SLC22A13: variants seen among roughly 807,000 people sequenced by gnomAD.
SLC22A13 encodes the protein organic anion transporter 10.
A neutral mutation model predicts 49.1 loss-of-function variants in SLC22A13; 42 were observed. The ratio of observed to expected loss-of-function variants is 0.85; its 90% CI spans 0.67 to 1.11. The LOEUF is 1.11. SLC22A13 is among the 50% of genes least tolerant of loss of function. The probability of loss-of-function intolerance (pLI) is 0.00; values close to 1 mark genes in which losing one functional copy is unlikely to be tolerated. For missense variants in SLC22A13, 694 were observed against 712.8 expected, an observed-to-expected ratio of 0.97 and a Z score of 0.30; for synonymous variants, 282 against 293.1, an observed-to-expected ratio of 0.96 and a Z score of 0.39.
At position 38,272,221 on chromosome 3, in the gene SLC22A13, G is replaced by A. The variant is rs151257650; in HGVS notation, c.379-2051G>A. Among the ~76,000 whole-genome samples, 443 of 152,350 alleles carry A rather than the reference G, an allele frequency of 2.9e-3. 2 individuals carry two copies. Among genetic ancestry groups the A allele is most frequent in the African/African-American group, 0.01 (422 of 41,580 alleles). On this transcript the variant is annotated intron_variant, in intron 1 of 9. Coordinates refer to ENST00000311856, the MANE Select transcript of SLC22A13 (RefSeq NM_004256.4). ...GTGTGCCAGCCTTAGAAGACTCCAA[G>A]GCTTGGTGCTCATGCCCACAGGGCA...
chr3:38,274,207 A>G (rs1703550133), intron 1 of SLC22A13, 65 bp from the exon 2 acceptor site: 3 of 1,180,886 alleles, frequency 2.5e-6, no homozygotes, highest in Admixed American at 3.4e-5. Context: ...TTGTAGTGGG[A>G]CAGGTGGTGT....
chr3:38,274,947 A>G, intron 3 of SLC22A13, 42 bp from the exon 4 acceptor site: 1 of 1,603,124 alleles, frequency 6.2e-7, no homozygotes, highest in Non-Finnish European at 8.5e-7. Flanking sequence ...TGGGGAGTGA[A>G]TGGCAGGGAT....
chr3:38,277,105 C>T lies in SLC22A13; in HGVS notation c.1540C>T (p.Leu514=), dbSNP rs1340528223. The part of the protein sequence containing the change: ...GQGLKDTLQD[L]ELGPHPRSPK... Reference sequence around the variant, plus strand: ...GGGCCTGAAAGACACCCTCCAGGACCTGGAGCTGGGGCCTCACCCACGGTG... The same window carrying T: ...GGGCCTGAAAGACACCCTCCAGGACTTGGAGCTGGGGCCTCACCCACGGTG... Residue 514 remains leucine (L), a synonymous_variant, in exon 9 of 10, where the codon CTG becomes TTG. Transcript: ENST00000311856. The T allele has an allele frequency of 1.9e-6, 3 of 1,568,132 alleles. No homozygotes were observed. Among genetic ancestry groups the T allele is most frequent in the Non-Finnish European group, 2.6e-6 (3 of 1,156,358 alleles).
intron 1 of SLC22A13, among the ~76,000 whole-genome samples, chr3:38,268,921 C>A (rs879939360): frequency 9.3e-5 from 10 of 107,988 alleles, no homozygotes; most frequent in Non-Finnish European, 1.6e-4. Flanking sequence ...AAAATAAACT[C>A]CTCACACACA....
Position 38,277,589 on chromosome 3 carries a change from A to G in SLC22A13, c.*124A>G, listed in dbSNP as rs1703602826. The G allele has an allele frequency of 4.6e-6, 3 of 651,804 alleles. No homozygotes were observed. Among genetic ancestry groups the G allele is most frequent in the East Asian group, 5.8e-5 (2 of 34,762 alleles). 40.4% of individuals were successfully genotyped at this position (651,804 alleles called of 1,614,324 possible). A position where few individuals can be genotyped will look rare whatever the true frequency, so the allele number is the denominator to read the frequency against. On this transcript the variant is annotated 3_prime_UTR_variant, in exon 10 of 10. Transcript: ENST00000311856. Reference sequence around the variant, plus strand: ...TTGCTTATGGAGGCAGGACACCACAATCTGGCCCATGGCTGTCACCTCCTG... The same window carrying G: ...TTGCTTATGGAGGCAGGACACCACAGTCTGGCCCATGGCTGTCACCTCCTG...
rs745763289 is a variant in SLC22A13, at chr3:38,266,008, T to G, written c.148T>G (p.Cys50Gly). ...CATGGTCCTAGATGAGCCCCACCAC[T>G]GTGCAGTGGCTTGGGTGAAGAACCA... ...VFMVLDEPHH[C>G]AVAWVKNHTF... Residue 50 changes from cysteine (C) to glycine (G), a missense_variant, in exon 1 of 10, where the codon TGT becomes GGT. Transcript: ENST00000311856. The G allele has an allele frequency of 3.7e-6, 6 of 1,614,062 alleles. No homozygotes were observed. The highest frequency in any genetic ancestry group is 3.3e-5 in the Admixed American group (2 of 60,012).
At chr3:38,269,769 G>C (rs1703500359) in intron 1 of SLC22A13, among the ~76,000 whole-genome samples, 1 of 151,788 alleles carries the variant, frequency 6.6e-6, no homozygotes. Flanking sequence ...ACCATGTGCA[G>C]GTTAGTTACA....
intron 9 of SLC22A13, 96 bp from the exon 10 acceptor site, chr3:38,277,276 A>G (rs1343589333): frequency 1.9e-5 from 22 of 1,161,948 alleles, no homozygotes; most frequent in Non-Finnish European, 2.6e-5. Flanking sequence ...GGCTGGCTTT[A>G]GTTCAGATTC....
rs1703609827 is a variant in SLC22A13 at position 38,278,250 on chromosome 3, G to C, written c.*785G>C. ...GGGCCCATGCAGGGTGAGGGAAAGG[G>C]TAGAGGTCTTTTCACCGAGCTGCTG... On this transcript the variant is annotated 3_prime_UTR_variant, in exon 10 of 10. Coordinates refer to ENST00000311856, the MANE Select transcript of SLC22A13 (RefSeq NM_004256.4). The C allele has an allele frequency of 6.6e-6, 1 of 152,334 alleles. No homozygotes were observed. Among genetic ancestry groups the C allele is most frequent in the Non-Finnish European group, 1.5e-5 (1 of 68,136 alleles). 9.4% of individuals were successfully genotyped at this position (152,334 alleles called of 1,614,324 possible).
At chr3:38,274,528 C>T in intron 2 of SLC22A13, 76 bp from the exon 3 acceptor site, 1 of 1,536,906 alleles carries the variant, frequency 6.5e-7, no homozygotes. Flanking sequence ...CAGGACAGGG[C>T]TGGGCCCCCT....
intron 1 of SLC22A13, among the ~76,000 whole-genome samples, chr3:38,271,831 C>T (rs1269044039): frequency 6.6e-6 from 1 of 152,172 alleles, no homozygotes. Flanking sequence ...TTTGGGCTTT[C>T]TCCTAGAGGC....
intron 1 of SLC22A13, among the ~76,000 whole-genome samples, chr3:38,273,430 CCTCT>C (rs1299737835): frequency 6.6e-6 from 1 of 152,018 alleles, no homozygotes; most frequent in Non-Finnish European, 1.5e-5. Context: ...TGTGTGTGTT[CCTCT>C]CTCCTAATCG....
Position 38,266,127 on chromosome 3 carries a change from C to T in SLC22A13, c.267C>T (p.Pro89=). The T allele has an allele frequency of 6.2e-7, 1 of 1,614,156 alleles. No individual in the cohort carries two copies. The change falls in exon 1 of 10, where the codon CCC becomes CCT. Residue 89 remains proline, a synonymous_variant. Coordinates refer to ENST00000311856, the MANE Select transcript of SLC22A13 (RefSeq NM_004256.4). ...HPEPCLMFRP[P]PANASLQDIL... The stretch of plus-strand genomic sequence containing the variant: ...AGCCCTGCCTCATGTTCCGGCCACC[C>T]CCCGCCAATGCCAGCCTGCAGGACA...
chr3:38,277,451 A>C lies in SLC22A13; in HGVS notation c.1642A>C (p.Ser548Arg), dbSNP rs761470858. The change falls in exon 10 of 10, where the codon AGC (serine) becomes CGC (arginine). Residue 548 changes from serine to arginine, a missense_variant. Coordinates refer to ENST00000311856, the MANE Select transcript of SLC22A13 (RefSeq NM_004256.4). Reference sequence around the variant, plus strand: ...CAGCCCGGGAGTGGCCTTTGTGAGCAGCACATACTTCTGATTGAGGTCTCT... The same window carrying C: ...CAGCCCGGGAGTGGCCTTTGTGAGCCGCACATACTTCTGATTGAGGTCTCT... ...TSSPGVAFVS[S>R]TYF 6.2e-7 allele frequency: 1 copy of C among 1,613,688 alleles called. No individual in the cohort carries two copies. The highest frequency in any genetic ancestry group is 1.7e-5 in the Admixed American group (1 of 59,996).
At chr3:38,276,209 G>A in intron 7 of SLC22A13, 78 bp from the exon 8 acceptor site, 12 of 1,488,290 alleles carry the variant, frequency 8.1e-6, no homozygotes, top group Non-Finnish European at 1.1e-5. Flanking sequence ...GGGGGTTTGG[G>A]TACAGAAGGG....
Position 38,274,266 on chromosome 3 carries a change from C to T in SLC22A13, c.379-6C>T, listed in dbSNP as rs761972836. On this transcript the variant is annotated splice_polypyrimidine_tract_variant and splice_region_variant and intron_variant, in intron 1 of 9. Coordinates refer to ENST00000311856, the MANE Select transcript of SLC22A13 (RefSeq NM_004256.4). ...CTGGACTCACATCTGCCTGTGTCTC[C>T]CTCAGTTCAACCTGGTTTGTGATCG... 12 of 1,610,476 alleles carry T rather than the reference C, an allele frequency of 7.5e-6. No individual in the cohort carries two copies. The highest frequency in any genetic ancestry group is 1.7e-5 in the Admixed American group (1 of 60,020).
intron 1 of SLC22A13, among the ~76,000 whole-genome samples, chr3:38,271,653 G>A (rs923920463): frequency 2.6e-5 from 4 of 151,690 alleles, no homozygotes; most frequent in Admixed American, 2.0e-4. Context: ...TCTGTCCAGC[G>A]ACCAAAGAAG....
intron 1 of SLC22A13, among the ~76,000 whole-genome samples, chr3:38,267,320 C>T (rs1159616595): frequency 6.6e-6 from 1 of 150,876 alleles, no homozygotes; most frequent in East Asian, 2.0e-4. Context: ...CCCACCCCAC[C>T]CCACCCCACA....
At chr3:38,269,345 C>T (rs530428373) in intron 1 of SLC22A13, among the ~76,000 whole-genome samples, 4 of 152,162 alleles carry the variant, frequency 2.6e-5, no homozygotes, top group East Asian at 1.9e-4. Flanking sequence ...GCAACCTCCA[C>T]CTCCTGGGTT....
Sources: gnomAD v4.1 joint callset for allele counts (sites outside exome capture counted in the v4.1 genomes callset) on GRCh38, gnomAD v4.1.1 for gene constraint, MANE v1.5 for transcripts, NCBI Gene and HGNC (gene_info 2026-07-23, HGNC 2026-07-21) for gene names.